Variants in EPRS1 observed in about 807,000 individuals in gnomAD.
EPRS1 encodes the protein glutamyl-prolyl-tRNA synthetase 1, also known as bifunctional glutamate/proline--tRNA ligase.
In EPRS1, 107 loss-of-function variants were observed where a neutral mutation model predicts 188.3. The observed-to-expected ratio is 0.57, with a 90% CI of 0.49 to 0.67. The LOEUF is 0.67. Ranked by LOEUF, EPRS1 falls within the 30% of genes least tolerant of loss-of-function variation. The probability of loss-of-function intolerance (pLI) is 0.00; values close to 1 mark genes in which losing one functional copy is unlikely to be tolerated. For synonymous variants in EPRS1, 596 were observed against 593.1 expected (o/e 1.00, Z -0.07); for missense variants, 1,577 against 1,802.2 (o/e 0.88, Z 2.26).
At chr1:219,988,509 A>C (rs1661054885) in intron 19 of EPRS1, 81 bp downstream of exon 19, 1 of 881,594 alleles carries the variant, frequency 1.1e-6, no homozygotes. Context: ...GCCAGATTTG[A>C]TGGGGCACAA....
In EPRS1 at chr1:219,988,670, G is replaced by A; in HGVS notation, c.2695C>T (p.Pro899Ser). 2 of 1,613,978 alleles carry A rather than the reference G, an allele frequency of 1.2e-6. No individual in the cohort carries two copies. The highest frequency in any genetic ancestry group is 1.7e-6 in the Non-Finnish European group (2 of 1,179,918). ...RNSEPAGLET[P>S]EAKVLFDKVA... ...TTGTCAAAAAGTACTTTCGCTTCTG[G>A]TGTTTCTAAACCAGCAGGTTCAGAA... The change falls in exon 19 of 32, where the codon CCA becomes TCA. Residue 899 changes from proline (P) to serine (S), a missense_variant. Around this residue, in one of 3 missense-constraint regions of EPRS1, gnomAD observed 1,278 missense variants for 1,457.4 expected, o/e 0.88. Coordinates refer to ENST00000366923, the MANE Select transcript of EPRS1 (RefSeq NM_004446.3).
In EPRS1 at chr1:219,988,714, T is replaced by A; in HGVS notation, c.2651A>T (p.Asp884Val). 1 of 1,613,980 alleles carries A rather than the reference T, an allele frequency of 6.2e-7. No individual in the cohort carries two copies. The highest frequency in any genetic ancestry group is 8.5e-7 in the Non-Finnish European group (1 of 1,179,856). Residue 884 changes from aspartate to valine, a missense_variant, in exon 19 of 32, where the codon GAT becomes GTT. Physicochemically the swap from Asp to Val is radical, Grantham distance 152 (BLOSUM62 -3). Around this residue, in one of 3 missense-constraint regions of EPRS1, gnomAD observed 1,278 missense variants for 1,457.4 expected, o/e 0.88. Transcript: ENST00000366923. ...PGQPPLSQSSDSSPTRNSEPA... is the reference protein window; with the variant it reads ...PGQPPLSQSSVSSPTRNSEPA... ...TTCAGAATTTCTGGTTGGGCTTGAATCCGAACTTTGAGATAATGGGGGCTG... is the reference window on the plus strand; with the variant it reads ...TTCAGAATTTCTGGTTGGGCTTGAAACCGAACTTTGAGATAATGGGGGCTG...
chr1:220,004,373 AACTGTT>A (rs1227000437), intron 16 of EPRS1, among the ~76,000 whole-genome samples: 1 of 152,132 alleles, frequency 6.6e-6, no homozygotes, highest in Non-Finnish European at 1.5e-5. Flanking sequence ...AATGTGATAA[AACTGTT>A]ACTCTTAAAT....
At chr1:220,040,164 T>C in intron 2 of EPRS1, 21 bp downstream of exon 2, 1 of 1,499,428 alleles carries the variant, frequency 6.7e-7, no homozygotes, top group Non-Finnish European at 9.2e-7. Context: ...GTACTGAAAA[T>C]AAAAAGATGA....
At chr1:219,982,703 A>G in intron 23 of EPRS1, 69 bp downstream of exon 23, 1 of 1,231,606 alleles carries the variant, frequency 8.1e-7, no homozygotes, top group Non-Finnish European at 1.2e-6. Flanking sequence ...GCAAAAGCTG[A>G]GACTCAACTT....
intron 10 of EPRS1, among the ~76,000 whole-genome samples, 170 bp from the exon 11 acceptor site, chr1:220,019,249 C>T (rs1661808461): frequency 6.6e-6 from 1 of 151,980 alleles, no homozygotes; most frequent in Admixed American, 6.6e-5. Context: ...ATTCAAGGAA[C>T]AGGATAACTG....
intron 8 of EPRS1, 87 bp from the exon 9 acceptor site, chr1:220,022,605 T>C: frequency 4.3e-6 from 5 of 1,151,076 alleles, no homozygotes; most frequent in Non-Finnish European, 6.1e-6. Flanking sequence ...TAAATTTTCA[T>C]GTTCTTGTTT....
At chr1:220,042,706 G>A (rs916718940) in intron 1 of EPRS1, among the ~76,000 whole-genome samples, 4 of 151,874 alleles carry the variant, frequency 2.6e-5, no homozygotes, top group Non-Finnish European at 5.9e-5. Flanking sequence ...CGGATCATGA[G>A]GTCAAGAGAT....
At chr1:219,974,625 C>T (rs970766661) in intron 28 of EPRS1, among the ~76,000 whole-genome samples, 2 of 151,896 alleles carry the variant, frequency 1.3e-5, no homozygotes, top group Non-Finnish European at 2.9e-5. Flanking sequence ...AAATATTACT[C>T]TAGAAGTCCT....
At chr1:219,971,799 T>TATATATATATATATATATACACACACAC (rs1660671726) in intron 30 of EPRS1, among the ~76,000 whole-genome samples, 1 of 116,862 alleles carries the variant, frequency 8.6e-6, no homozygotes, top group African/African-American at 3.0e-5. Context: ...TATATATACA[T>TATATATATATATATATATACACACACAC]ATACACACAC....
intron 4 of EPRS1, among the ~76,000 whole-genome samples, chr1:220,032,963 T>C (rs1325573434): frequency 6.6e-6 from 1 of 152,194 alleles, no homozygotes; most frequent in Non-Finnish European, 1.5e-5. Flanking sequence ...ATTTTCTGTA[T>C]GTCAATTATA....
intron 9 of EPRS1, among the ~76,000 whole-genome samples, chr1:220,020,693 T>C (rs1661853163): frequency 2.0e-5 from 1 of 49,688 alleles, no homozygotes; most frequent in Non-Finnish European, 4.0e-5. Context: ...CTCCATTCAC[T>C]GTGTAAAAAA....
chr1:220,001,724 C>T (rs1206022082), intron 16 of EPRS1, among the ~76,000 whole-genome samples: 1 of 152,140 alleles, frequency 6.6e-6, no homozygotes, highest in Non-Finnish European at 1.5e-5. Context: ...ACAACAAATG[C>T]ATAAATAAAA....
Position 219,981,430 on chromosome 1 carries a change from A to T in EPRS1, c.3401T>A (p.Val1134Glu). 1 of 1,606,266 alleles carries T rather than the reference A, an allele frequency of 6.2e-7. No homozygotes were observed. Among genetic ancestry groups the T allele is most frequent in the Non-Finnish European group, 8.5e-7 (1 of 1,175,278 alleles). The part of the protein sequence containing the change: ...TVMYPAYAKW[V>E]QSHRDLPIKL... ...GATGGGCAGGTCTCTGTGTGACTGT[A>T]CCCATTTTGCATATGCAGGATACAT... Residue 1134 changes from valine (V) to glutamate (E), a missense_variant, in exon 24 of 32, where the codon GTA becomes GAA. Val to Glu is a moderately radical substitution (Grantham distance 121). Coordinates refer to ENST00000366923, the MANE Select transcript of EPRS1 (RefSeq NM_004446.3).
At chr1:219,973,490 A>T in intron 28 of EPRS1, 92 bp from the exon 29 acceptor site, 1 of 886,098 alleles carries the variant, frequency 1.1e-6, no homozygotes, top group Non-Finnish European at 1.6e-6. Context: ...CATAAATTAT[A>T]AAAAACCCAA....
chr1:219,986,126 T>C (rs1330603784), intron 20 of EPRS1, among the ~76,000 whole-genome samples: 2 of 152,220 alleles, frequency 1.3e-5, no homozygotes, highest in Admixed American at 6.5e-5. Context: ...GCAGCAAAAT[T>C]TGATACTCAG....
At chr1:220,018,589 A>AC in intron 11 of EPRS1, 81 bp from the exon 12 acceptor site, 1 of 695,826 alleles carries the variant, frequency 1.4e-6, no homozygotes, top group Non-Finnish European at 2.3e-6. Flanking sequence ...AAGCATGTTT[A>AC]GAAAAAAAAA....
At chr1:219,987,443 TTAACTCAA>T in intron 19 of EPRS1, 39 bp from the exon 20 acceptor site, 1 of 1,512,646 alleles carries the variant, frequency 6.6e-7, no homozygotes, top group Non-Finnish European at 9.0e-7. Flanking sequence ...AAGACAGTAT[TTAACTCAA>T]GTCATTGTCT....
At chr1:220,009,676 CCCATT>C (rs1401593597) in intron 13 of EPRS1, among the ~76,000 whole-genome samples, 1 of 151,458 alleles carries the variant, frequency 6.6e-6, no homozygotes, top group Non-Finnish European at 1.5e-5. Flanking sequence ...CAGAGCAAGG[CCCATT>C]TCAAAATTAA....
Sources: gnomAD v4.1 joint callset for allele counts (sites outside exome capture counted in the v4.1 genomes callset) on GRCh38, gnomAD v4.1.1 for gene constraint, gnomAD v4.1.1 regional missense constraint, MANE v1.5 for transcripts, NCBI Gene and HGNC (gene_info 2026-07-23, HGNC 2026-07-21) for gene names.